KAZN: variants seen among roughly 807,000 people sequenced by gnomAD.
The protein encoded by KAZN is kazrin.
Under a neutral mutation model 87.4 loss-of-function variants are expected in KAZN, and 40 were observed. That is an observed-to-expected ratio of 0.46 (90% CI 0.36 to 0.60). KAZN has a LOEUF of 0.60. Among genes scored for constraint, KAZN ranks in the 20% least tolerant of loss-of-function variants. The pLI, the probability that KAZN is intolerant of heterozygous loss-of-function variation, is 0.00. For synonymous variants in KAZN, 466 were observed against 458.3 expected (o/e 1.02, Z -0.22); for missense variants, 898 against 1,073.9 (o/e 0.84, Z 2.29).
chr1:14,992,922 G>T (rs11812063), intron 2 of KAZN, among the ~76,000 whole-genome samples: 9,120 of 151,358 alleles, frequency 0.06, 906 homozygotes, highest in African/African-American at 0.21. Context: ...GGGATTACAG[G>T]AATGAGCCAC....
chr1:13,936,772 G>T (rs1045316154), intron 1 of KAZN, among the ~76,000 whole-genome samples: 1 of 152,134 alleles, frequency 6.6e-6, no homozygotes, highest in Non-Finnish European at 1.5e-5. Flanking sequence ...AGGTTATGTC[G>T]ATTTCATGAC....
At chr1:14,715,131 T>C (rs1456187911) in intron 1 of KAZN, among the ~76,000 whole-genome samples, 1 of 152,110 alleles carries the variant, frequency 6.6e-6, no homozygotes, top group Non-Finnish European at 1.5e-5. Context: ...AGGGTCTCAC[T>C]CTGTTGCCCA....
chr1:14,950,117 C>T (rs556159648), intron 1 of KAZN, among the ~76,000 whole-genome samples: 2 of 152,126 alleles, frequency 1.3e-5, no homozygotes, highest in Admixed American at 1.3e-4. Flanking sequence ...CCAAGCGGCT[C>T]TCCGGGCTGG....
At chr1:14,675,705 C>A (rs1249827087) in intron 1 of KAZN, among the ~76,000 whole-genome samples, 2 of 152,044 alleles carry the variant, frequency 1.3e-5, no homozygotes, top group African/African-American at 4.8e-5. Context: ...TGCCTGATAC[C>A]CTGTAGATAC....
At chr1:14,231,591 C>A (rs1157259539) in intron 2 of KAZN, among the ~76,000 whole-genome samples, 1 of 152,182 alleles carries the variant, frequency 6.6e-6, no homozygotes, top group Admixed American at 6.5e-5. Context: ...ATACAAATCA[C>A]TGAAGCCCTC....
chr1:15,016,147 G>A (rs1206116751), intron 2 of KAZN, among the ~76,000 whole-genome samples: 2 of 152,182 alleles, frequency 1.3e-5, no homozygotes, highest in South Asian at 4.1e-4. Flanking sequence ...GAAGACAGAG[G>A]CTGAGGTCAG....
intron 2 of KAZN, among the ~76,000 whole-genome samples, chr1:14,413,592 A>G (rs567931191): frequency 7.2e-6 from 1 of 138,504 alleles, no homozygotes; most frequent in Non-Finnish European, 1.6e-5. Flanking sequence ...CCGTCTCAAA[A>G]GAAAAAAAAA....
chr1:14,514,156 TAA>T (rs1416985999), intron 2 of KAZN, among the ~76,000 whole-genome samples: 1 of 138,256 alleles, frequency 7.2e-6, no homozygotes. Context: ...CCGTCTCTAC[TAA>T]AAAAAAATAC....
chr1:13,906,207 C>G (rs1639430236), intron 1 of KAZN, among the ~76,000 whole-genome samples: 1 of 152,164 alleles, frequency 6.6e-6, no homozygotes, highest in African/African-American at 2.4e-5. Flanking sequence ...GCATTTTCAG[C>G]CCACTACAGT....
intron 1 of KAZN, among the ~76,000 whole-genome samples, chr1:14,629,644 C>G (rs2148656840): frequency 6.6e-6 from 1 of 152,302 alleles, no homozygotes. Context: ...CTTCCTTGTT[C>G]ACATCCACTA....
At chr1:14,982,068 C>T (rs1385475035) in intron 2 of KAZN, among the ~76,000 whole-genome samples, 1 of 152,162 alleles carries the variant, frequency 6.6e-6, no homozygotes, top group Non-Finnish European at 1.5e-5. Context: ...TGTCTGCATA[C>T]GTGGTCCCAT....
At chr1:14,440,615 T>C (rs1012421660) in intron 2 of KAZN, among the ~76,000 whole-genome samples, 21 of 152,202 alleles carry the variant, frequency 1.4e-4, no homozygotes, top group Admixed American at 1.4e-3. Context: ...TAGAACTGGC[T>C]ACATAATTTG....
intron 1 of KAZN, among the ~76,000 whole-genome samples, chr1:14,826,450 A>C (rs950046413): frequency 4.6e-5 from 7 of 152,186 alleles, no homozygotes; most frequent in African/African-American, 1.4e-4. Context: ...CACCCTCCTC[A>C]ACACTCTGAG....
intron 1 of KAZN, among the ~76,000 whole-genome samples, chr1:14,835,397 C>T (rs1000692338): frequency 1.3e-5 from 2 of 152,068 alleles, no homozygotes; most frequent in Non-Finnish European, 2.9e-5. Flanking sequence ...TTTCTTGTAC[C>T]CCGTAGGCAG....
intron 1 of KAZN, among the ~76,000 whole-genome samples, chr1:14,177,824 A>C (rs1197154084): frequency 6.7e-6 from 1 of 148,398 alleles, no homozygotes; most frequent in African/African-American, 2.5e-5. Context: ...TAATTTGATT[A>C]TAATATGCCT....
intron 2 of KAZN, among the ~76,000 whole-genome samples, chr1:15,010,069 ATTAGT>A (rs1669427569): frequency 6.6e-6 from 1 of 152,254 alleles, no homozygotes; most frequent in Non-Finnish European, 1.5e-5. Flanking sequence ...ACACAGTGTG[ATTAGT>A]TTTAATATCT....
chr1:15,029,210 G>A (rs918943569), intron 2 of KAZN, among the ~76,000 whole-genome samples: 2 of 152,272 alleles, frequency 1.3e-5, no homozygotes, highest in East Asian at 1.9e-4. Context: ...GGAGGAGGGT[G>A]GATGGTGCCA....
chr1:15,033,467 G>T (rs1456261582), intron 2 of KAZN, among the ~76,000 whole-genome samples: 1 of 152,182 alleles, frequency 6.6e-6, no homozygotes, highest in Non-Finnish European at 1.5e-5. Context: ...ATGGTAAGTT[G>T]ATGCTTAATC....
intron 8 of KAZN, among the ~76,000 whole-genome samples, chr1:15,085,783 A>G (rs1640225325): frequency 1.3e-5 from 2 of 152,208 alleles, no homozygotes; most frequent in Non-Finnish European, 2.9e-5. Context: ...TCCAACTTAT[A>G]TCTAACTGGA....
Sources: gnomAD v4.1 joint callset for allele counts (sites outside exome capture counted in the v4.1 genomes callset) on GRCh38, gnomAD v4.1.1 for gene constraint, MANE v1.5 for transcripts, NCBI Gene and HGNC (gene_info 2026-07-23, HGNC 2026-07-21) for gene names.